Variants in ENTREP2 observed in about 807,000 individuals in gnomAD.
ENTREP2 encodes the protein protein ENTREP2.
the ENTREP2 span, among the ~76,000 whole-genome samples, chr15:29,436,934 C>T: frequency 6.6e-6 from 1 of 152,238 alleles, no homozygotes; most frequent in South Asian, 2.1e-4. Context: ...GTTTTCCATG[C>T]TGACCCCTAA....
At chr15:29,393,522 T>G in the ENTREP2 span, among the ~76,000 whole-genome samples, 2 of 152,194 alleles carry the variant, frequency 1.3e-5, no homozygotes, top group South Asian at 4.1e-4. Context: ...CTGGCCTCAG[T>G]TCATTATTTA....
the ENTREP2 span, among the ~76,000 whole-genome samples, chr15:29,139,198 A>T: frequency 3.9e-5 from 6 of 152,296 alleles, no homozygotes; most frequent in African/African-American, 1.4e-4. Context: ...GTTGACGAAG[A>T]AAGGCTGGTG....
the ENTREP2 span, among the ~76,000 whole-genome samples, chr15:29,466,447 C>T: frequency 1.3e-5 from 2 of 150,342 alleles, no homozygotes; most frequent in Admixed American, 1.3e-4. Context: ...CAGGGGAGGG[C>T]CCAGGTGAGG....
chr15:29,394,245 T>C, the ENTREP2 span, among the ~76,000 whole-genome samples: 1 of 152,150 alleles, frequency 6.6e-6, no homozygotes, highest in African/African-American at 2.4e-5. Context: ...GAAATCTCTA[T>C]CAAAATCCCA....
chr15:29,219,614 A>AATAAATATATAT, the ENTREP2 span, among the ~76,000 whole-genome samples: 1 of 38,402 alleles, frequency 2.6e-5, no homozygotes, highest in Non-Finnish European at 5.3e-5. Flanking sequence ...GTGGTGCATA[A>AATAAATATATAT]ATATATATAT....
At chr15:29,447,172 T>C in the ENTREP2 span, among the ~76,000 whole-genome samples, 5 of 152,214 alleles carry the variant, frequency 3.3e-5, no homozygotes, top group Admixed American at 1.3e-4. Flanking sequence ...ATTAAAATAT[T>C]TTAATTGAAT....
the ENTREP2 span, among the ~76,000 whole-genome samples, chr15:29,119,672 CAAAAAAAAAAA>C: frequency 2.0e-5 from 2 of 101,584 alleles, 1 homozygote. Flanking sequence ...ACAATTCTAG[CAAAAAAAAAAA>C]AAAAAAAAAA....
the ENTREP2 span, among the ~76,000 whole-genome samples, chr15:29,318,055 C>T: frequency 1.9e-4 from 29 of 152,182 alleles, no homozygotes; most frequent in African/African-American, 4.6e-4. Flanking sequence ...AAATTTTCCG[C>T]GTTTCCAGAG....
chr15:29,118,067 A>G, the ENTREP2 span: 1 of 152,724 alleles, frequency 6.5e-6, no homozygotes, highest in South Asian at 2.1e-4. Flanking sequence ...CAGTAGTGGC[A>G]TGTGTGTAGA....
the ENTREP2 span, chr15:29,151,699 A>G: frequency 6.6e-7 from 1 of 1,505,556 alleles, no homozygotes; most frequent in Non-Finnish European, 9.0e-7. Flanking sequence ...ACTGGTTTCA[A>G]ACCGCGCAGA....
At chr15:29,470,265 G>A in the ENTREP2 span, among the ~76,000 whole-genome samples, 30 of 152,330 alleles carry the variant, frequency 2.0e-4, 1 homozygote, top group Middle Eastern at 0.014. Context: ...ATGTGTGGTT[G>A]AGCATCCGGA....
chr15:29,628,442 A>G, the ENTREP2 span, among the ~76,000 whole-genome samples: 1 of 152,164 alleles, frequency 6.6e-6, no homozygotes, highest in African/African-American at 2.4e-5. Context: ...CCAGGTTTTC[A>G]TCTATCTTAA....
At chr15:29,659,557 C>A in the ENTREP2 span, among the ~76,000 whole-genome samples, 2 of 152,122 alleles carry the variant, frequency 1.3e-5, no homozygotes, top group Non-Finnish European at 2.9e-5. Context: ...CAGACTGGAA[C>A]CACAGTAATA....
At chr15:29,151,208 G>A in the ENTREP2 span, among the ~76,000 whole-genome samples, 1 of 152,136 alleles carries the variant, frequency 6.6e-6, no homozygotes, top group African/African-American at 2.4e-5. Context: ...CTGCCCCTGG[G>A]AGTGACAGGT....
the ENTREP2 span, among the ~76,000 whole-genome samples, chr15:29,542,203 C>T: frequency 7.0e-4 from 107 of 151,906 alleles, no homozygotes; most frequent in African/African-American, 2.4e-3. Flanking sequence ...TAAGAAGGGA[C>T]GGGGTTTCAC....
At chr15:29,648,800 G>T in the ENTREP2 span, among the ~76,000 whole-genome samples, 1 of 151,848 alleles carries the variant, frequency 6.6e-6, no homozygotes, top group Non-Finnish European at 1.5e-5. Flanking sequence ...TTATCTGGGC[G>T]TGGTGGCATG....
the ENTREP2 span, among the ~76,000 whole-genome samples, chr15:29,316,097 G>C: frequency 1.3e-5 from 2 of 152,088 alleles, no homozygotes; most frequent in Non-Finnish European, 2.9e-5. Flanking sequence ...CTTTGTAACA[G>C]TAAATGTCTT....
chr15:29,662,230 A>AG, the ENTREP2 span, among the ~76,000 whole-genome samples: 12 of 150,042 alleles, frequency 8.0e-5, no homozygotes, highest in South Asian at 2.1e-4. Flanking sequence ...AAAAAAAAAA[A>AG]AAAGAAAGAA....
At chr15:29,348,439 C>T in the ENTREP2 span, among the ~76,000 whole-genome samples, 12 of 152,120 alleles carry the variant, frequency 7.9e-5, no homozygotes, top group Admixed American at 7.2e-4. Context: ...ATGTTCCCGA[C>T]TCAGGGAGCA....
Sources: gnomAD v4.1 joint callset for allele counts (sites outside exome capture counted in the v4.1 genomes callset) on GRCh38, gnomAD v4.1.1 for gene constraint, MANE v1.5 for transcripts, NCBI Gene and HGNC (gene_info 2026-07-23, HGNC 2026-07-21) for gene names.